Variants in LONP2 observed in about 807,000 individuals in gnomAD.
LONP2 encodes the protein lon peptidase 2, peroxisomal.
A neutral mutation model predicts 85.6 loss-of-function variants in LONP2; 60 were observed. The ratio of observed to expected loss-of-function variants is 0.70; its 90% confidence interval spans 0.57 to 0.87. LONP2 has a LOEUF of 0.87. LONP2 is among the 40% of genes least tolerant of loss of function. The pLI, the probability that LONP2 is intolerant of heterozygous loss-of-function variation, is 0.00. For missense variants in LONP2, 860 were observed against 1,063.5 expected, an observed-to-expected ratio of 0.81 and a Z score of 2.66; for synonymous variants, 395 against 389.7, an observed-to-expected ratio of 1.01 and a Z score of -0.16.
At chr16:48,259,042 C>T (rs1971822307) in intron 4 of LONP2, among the ~76,000 whole-genome samples, 2 of 152,258 alleles carry the variant, frequency 1.3e-5, no homozygotes, top group South Asian at 2.1e-4. Flanking sequence ...TTGAGTATAA[C>T]ATTTTTTTAC....
intron 1 of LONP2, chr16:48,247,249 A>G (rs1239374428): frequency 1.3e-5 from 2 of 149,980 alleles, no homozygotes; most frequent in African/African-American, 4.9e-5. Flanking sequence ...CTTTAACAAT[A>G]CCAATACTGA....
chr16:48,320,500 T>C (rs764016156), intron 11 of LONP2, among the ~76,000 whole-genome samples: 15 of 152,036 alleles, frequency 9.9e-5, no homozygotes, highest in Non-Finnish European at 2.2e-4. Context: ...TTAGAGCTAA[T>C]TGGATTTTAC....
At position 48,349,508 on chromosome 16, in the gene LONP2, A is replaced by G. The variant is rs144184794; in HGVS notation, c.2337+1218A>G. Among the ~76,000 whole-genome samples the G allele has an allele frequency of 4.6e-5, 7 of 152,288 alleles. 1 individual carries two copies. Among genetic ancestry groups the G allele is most frequent in the African/African-American group, 1.7e-4 (7 of 41,576 alleles). ...TTGGTCCCCTCTCAGAGCAAATCGT[A>G]GCCCAAGTAAAGGCTTCTGCAGCCT... On this transcript the variant is annotated intron_variant, in intron 14 of 14. Transcript: ENST00000285737.
chr16:48,270,546 A>G (rs1972082232), intron 7 of LONP2, among the ~76,000 whole-genome samples: 1 of 152,168 alleles, frequency 6.6e-6, no homozygotes, highest in South Asian at 2.1e-4. Flanking sequence ...TAAGTTATTT[A>G]TGATTGGATA....
At chr16:48,245,379 T>A (rs896297033) in intron 1 of LONP2, among the ~76,000 whole-genome samples, 4 of 152,180 alleles carry the variant, frequency 2.6e-5, no homozygotes, top group Non-Finnish European at 5.9e-5. Flanking sequence ...TCTATTTCTT[T>A]TATTCTGCAA....
At chr16:48,342,513 A>G (rs534335129) in intron 12 of LONP2, among the ~76,000 whole-genome samples, 13 of 152,344 alleles carry the variant, frequency 8.5e-5, no homozygotes, top group South Asian at 8.3e-4. Flanking sequence ...CAAGGCCCCA[A>G]CAGGAATCCG....
In LONP2 at chr16:48,319,271, C is replaced by T. The variant is rs920691995; in HGVS notation, c.1796-14945C>T. ...TGGTGGGTGCCTGTAATCTCAGCTA[C>T]TTGGGAGGGTGAGGCAGGAGAATCA... is the stretch of plus-strand genomic sequence containing the variant. On this transcript the variant is annotated intron_variant, in intron 11 of 14. Transcript: ENST00000285737. Among the ~76,000 whole-genome samples the T allele has an allele frequency of 3.3e-5, 5 of 151,996 alleles. No homozygotes were observed. The East Asian group carries it at 9.7e-4, about 29-fold the overall frequency.
chr16:48,269,200 GTTT>G (rs749826185), intron 6 of LONP2, among the ~76,000 whole-genome samples: 8 of 125,772 alleles, frequency 6.4e-5, no homozygotes, highest in Non-Finnish European at 8.5e-5. Flanking sequence ...TACATCATCT[GTTT>G]TTTTTTTTTT....
At chr16:48,280,512 T>A (rs1393307993) in intron 8 of LONP2, among the ~76,000 whole-genome samples, 1 of 152,246 alleles carries the variant, frequency 6.6e-6, no homozygotes, top group Non-Finnish European at 1.5e-5. Context: ...GCAGCTAGCA[T>A]AATGATATTT....
intron 12 of LONP2, among the ~76,000 whole-genome samples, chr16:48,335,447 G>A (rs1318173867): frequency 2.0e-5 from 3 of 152,216 alleles, no homozygotes; most frequent in Non-Finnish European, 4.4e-5. Flanking sequence ...GCAGCTGATG[G>A]AAATAGATGT....
At chr16:48,318,196 G>A (rs1358909444) in intron 11 of LONP2, among the ~76,000 whole-genome samples, 4 of 152,108 alleles carry the variant, frequency 2.6e-5, no homozygotes, top group African/African-American at 9.7e-5. Context: ...AGCATGCTTA[G>A]GGCTTGCTTT....
At chr16:48,255,923 TAGC>T (rs1971749814) in intron 2 of LONP2, among the ~76,000 whole-genome samples, 1 of 152,174 alleles carries the variant, frequency 6.6e-6, no homozygotes, top group South Asian at 2.1e-4. Context: ...ATGTCTTTAT[TAGC>T]AGTGTGAGAA....
At chr16:48,346,798 T>G (rs1309674681) in intron 12 of LONP2, among the ~76,000 whole-genome samples, 11 of 152,116 alleles carry the variant, frequency 7.2e-5, no homozygotes, top group Admixed American at 7.2e-4. Flanking sequence ...GGTTTCTACT[T>G]TTTGAAACAA....
chr16:48,342,978 C>T (rs1360089285), intron 12 of LONP2, among the ~76,000 whole-genome samples: 1 of 152,204 alleles, frequency 6.6e-6, no homozygotes, highest in Non-Finnish European at 1.5e-5. Flanking sequence ...TATCTCCATT[C>T]CTTGACATCT....
intron 11 of LONP2, among the ~76,000 whole-genome samples, chr16:48,305,053 T>C (rs1273616368): frequency 6.6e-6 from 1 of 152,182 alleles, no homozygotes; most frequent in Non-Finnish European, 1.5e-5. Context: ...CACAGAATCC[T>C]TCTGTGGCCA....
At chr16:48,357,964 A>C (rs1759893379), downstream of LONP2, among the ~76,000 whole-genome samples, 1 of 152,236 alleles carries the variant, frequency 6.6e-6, no homozygotes, top group South Asian at 2.1e-4. Context: ...AAAGTTAATA[A>C]GTATCTCCCA....
intron 12 of LONP2, among the ~76,000 whole-genome samples, chr16:48,342,754 A>G (rs779679329): frequency 6.6e-6 from 1 of 152,226 alleles, no homozygotes; most frequent in Non-Finnish European, 1.5e-5. Flanking sequence ...GGATCTCAGT[A>G]CTAAGACTTT....
At chr16:48,277,014 T>C (rs1201381197) in intron 7 of LONP2, among the ~76,000 whole-genome samples, 1 of 152,094 alleles carries the variant, frequency 6.6e-6, no homozygotes, top group Non-Finnish European at 1.5e-5. Context: ...ATAGGGTACT[T>C]TGGACATTTT....
chr16:48,358,898 AG>A (rs1366037717), downstream of LONP2, among the ~76,000 whole-genome samples: 1 of 152,238 alleles, frequency 6.6e-6, no homozygotes, highest in Non-Finnish European at 1.5e-5. Context: ...TTGTATGTGC[AG>A]TTTTATAATT....
Sources: allele counts gnomAD v4.1 joint callset (sites outside exome capture counted in the v4.1 genomes callset), GRCh38; gene constraint gnomAD v4.1.1; transcripts MANE v1.5; gene names NCBI Gene and HGNC (gene_info 2026-07-23, HGNC 2026-07-21).